The following AP3B1 variants were observed in gnomAD, a reference collection of about 807,000 sequenced individuals.
AP3B1 encodes the protein adaptor related protein complex 3 subunit beta 1.
Under a neutral mutation model 132.5 loss-of-function variants are expected in AP3B1, and 61 were observed. The ratio of observed to expected loss-of-function variants is 0.46; its 90% CI spans 0.37 to 0.57. AP3B1 has a LOEUF of 0.57. Among genes scored for constraint, AP3B1 ranks in the 20% least tolerant of loss-of-function variants. The pLI is 0.00. For synonymous variants in AP3B1, 388 were observed against 438.3 expected, an observed-to-expected ratio of 0.89 and a Z score of 1.43; for missense variants, 1,120 against 1,289.4, an observed-to-expected ratio of 0.87 and a Z score of 2.01.
downstream of AP3B1, chr5:78,000,571 TAC>T (rs1283493076): frequency 6.6e-6 from 1 of 152,162 alleles, no homozygotes; most frequent in Non-Finnish European, 1.5e-5. Flanking sequence ...AATGCATTGT[TAC>T]AGTCTCTTTA....
chr5:78,105,676 C>T (rs372177343), intron 20 of AP3B1, among the ~76,000 whole-genome samples: 1 of 152,136 alleles, frequency 6.6e-6, no homozygotes, highest in South Asian at 2.1e-4. Flanking sequence ...AAGGACTATA[C>T]TAAAAATATT....
chr5:78,286,072 G>A (rs990045494), intron 1 of AP3B1, among the ~76,000 whole-genome samples: 1 of 152,102 alleles, frequency 6.6e-6, no homozygotes, highest in Admixed American at 6.6e-5. Context: ...GATTTTACAA[G>A]GCCCTACACA....
intron 17 of AP3B1, among the ~76,000 whole-genome samples, chr5:78,120,653 T>G (rs1222594534): frequency 6.6e-6 from 1 of 151,940 alleles, no homozygotes; most frequent in African/African-American, 2.4e-5. Flanking sequence ...CTATCCTAAA[T>G]ATATATGCAC....
At chr5:78,243,337 T>G (rs1747226535) in intron 2 of AP3B1, among the ~76,000 whole-genome samples, 1 of 152,208 alleles carries the variant, frequency 6.6e-6, no homozygotes. Context: ...CATCCTGTCC[T>G]ATGGTATCCT....
chr5:78,148,928 C>G (rs537046972), intron 14 of AP3B1, among the ~76,000 whole-genome samples: 36 of 152,148 alleles, frequency 2.4e-4, no homozygotes, highest in Non-Finnish European at 4.6e-4. Flanking sequence ...GTTACAATGA[C>G]TAGAGACACG....
chr5:78,207,694 G>GA (rs1398743431), intron 7 of AP3B1, among the ~76,000 whole-genome samples: 1 of 151,730 alleles, frequency 6.6e-6, no homozygotes, highest in Non-Finnish European at 1.5e-5. Context: ...TTTTAAACAG[G>GA]TTTTTTTAGC....
At chr5:78,229,525 G>C (rs895417728) in intron 3 of AP3B1, among the ~76,000 whole-genome samples, 4 of 150,274 alleles carry the variant, frequency 2.7e-5, no homozygotes, top group Non-Finnish European at 5.9e-5. Context: ...CTGAGTTCAG[G>C]AGTTCAGGAC....
chr5:78,095,343 G>GA (rs144969446), intron 21 of AP3B1, among the ~76,000 whole-genome samples: 1,588 of 152,290 alleles, frequency 0.01, 29 homozygotes, highest in African/African-American at 0.036. Context: ...AAACCACAGG[G>GA]AATGTGTCTG....
chr5:78,128,239 G>C (rs1228921082), intron 16 of AP3B1, 79 bp from the exon 17 acceptor site: 1 of 1,294,598 alleles, frequency 7.7e-7, no homozygotes, highest in Non-Finnish European at 1.1e-6. Flanking sequence ...AGAGCTCAAG[G>C]TAATTGGCAT....
chr5:78,068,119 G>T (rs1749372360), intron 22 of AP3B1, among the ~76,000 whole-genome samples: 1 of 152,130 alleles, frequency 6.6e-6, no homozygotes, highest in African/African-American at 2.4e-5. Flanking sequence ...GACGTCAGGA[G>T]TTGGAGACCA....
At position 78,177,377 on chromosome 5, in the gene AP3B1, T is replaced by C. The variant is rs1162958170; in HGVS notation, c.1002A>G (p.Ile334Met). Residue 334 changes from isoleucine to methionine, a missense_variant, in exon 9 of 27, where the codon ATA (isoleucine) becomes ATG (methionine). By Grantham distance (10) the Ile-to-Met change is conservative (BLOSUM62 1). Transcript: ENST00000255194. ...WHISPKSEAG[I>M]ISKSLVRLLR... ...GTAAACGCACTAGTGATTTAGAAAT[T>C]ATGCCAGCTTCAGATTTTGGTGATA... is the stretch of plus-strand genomic sequence containing the variant. 4 of 1,613,914 alleles carry C rather than the reference T, an allele frequency of 2.5e-6. No homozygotes were observed. Among genetic ancestry groups the C allele is most frequent in the Admixed American group, 1.7e-5 (1 of 60,000 alleles).
At chr5:78,224,760 A>G (rs915622225) in intron 6 of AP3B1, among the ~76,000 whole-genome samples, 3 of 152,106 alleles carry the variant, frequency 2.0e-5, no homozygotes, top group African/African-American at 7.2e-5. Flanking sequence ...CTAGAGATAA[A>G]GAGGAACATT....
At chr5:78,079,214 AT>A (rs555911979) in intron 22 of AP3B1, among the ~76,000 whole-genome samples, 194 of 151,544 alleles carry the variant, frequency 1.3e-3, no homozygotes, top group Admixed American at 4.4e-3. Context: ...ATAAGTTAAC[AT>A]TTTTTTTTGA....
chr5:78,136,480 A>T (rs1458213812), intron 15 of AP3B1, among the ~76,000 whole-genome samples: 2 of 152,218 alleles, frequency 1.3e-5, no homozygotes, highest in Non-Finnish European at 2.9e-5. Flanking sequence ...AGGAATACAC[A>T]AAACATACAT....
chr5:78,097,541 C>A (rs1442404511), intron 21 of AP3B1, among the ~76,000 whole-genome samples: 2 of 123,064 alleles, frequency 1.6e-5, no homozygotes, highest in Non-Finnish European at 3.5e-5. Flanking sequence ...GCCAGCCGCC[C>A]CGTCCGGGAG....
chr5:78,171,374 T>C (rs1260325909), intron 11 of AP3B1, among the ~76,000 whole-genome samples: 1 of 152,206 alleles, frequency 6.6e-6, no homozygotes, highest in Non-Finnish European at 1.5e-5. Context: ...GAGCGTGAAA[T>C]GTTCTTCCAC....
At chr5:78,248,750 T>C (rs1385941514) in intron 2 of AP3B1, among the ~76,000 whole-genome samples, 1 of 152,204 alleles carries the variant, frequency 6.6e-6, no homozygotes, top group African/African-American at 2.4e-5. Flanking sequence ...AAAGTAAACA[T>C]GTTAGAAATG....
chr5:78,275,200 G>A (rs1748723553), intron 1 of AP3B1, among the ~76,000 whole-genome samples: 1 of 152,010 alleles, frequency 6.6e-6, no homozygotes, highest in Non-Finnish European at 1.5e-5. Context: ...AAAGATATCG[G>A]AATGACATAT....
intron 17 of AP3B1, among the ~76,000 whole-genome samples, chr5:78,118,090 C>T (rs1751942016): frequency 6.6e-6 from 1 of 152,110 alleles, no homozygotes; most frequent in Non-Finnish European, 1.5e-5. Flanking sequence ...ATAAACAATA[C>T]AAATATTAAT....
Sources: gnomAD v4.1 joint callset for allele counts (sites outside exome capture counted in the v4.1 genomes callset) on GRCh38, gnomAD v4.1.1 for gene constraint, MANE v1.5 for transcripts, NCBI Gene and HGNC (gene_info 2026-07-23, HGNC 2026-07-21) for gene names.